SNX33: variants seen among roughly 807,000 people sequenced by gnomAD.
The protein encoded by SNX33 is sorting nexin-33.
SNX33 carries 19 observed loss-of-function variants against 38.8 expected under a neutral mutation model. The observed-to-expected ratio is 0.49, with a 90% CI of 0.34 to 0.72. SNX33 has a LOEUF of 0.72. Ranked by LOEUF, SNX33 falls within the 30% of genes least tolerant of loss-of-function variation. The probability of loss-of-function intolerance (pLI) is 0.01; values close to 1 mark genes in which losing one functional copy is unlikely to be tolerated. For missense variants in SNX33, 641 were observed against 776.4 expected (o/e 0.83, Z 2.07); for synonymous variants, 246 against 289.7 (o/e 0.85, Z 1.53).
chr15:75,657,252 G>A lies in SNX33; in HGVS notation c.*37G>A. 1 of 1,611,210 alleles carries A rather than the reference G, an allele frequency of 6.2e-7. No homozygotes were observed. ...TGGGCCCCCTCCTTCCCCTGGGCCTGGTCACTGCAGTGTACCCCACTTTCC... is the reference window on the plus strand; with the variant it reads ...TGGGCCCCCTCCTTCCCCTGGGCCTAGTCACTGCAGTGTACCCCACTTTCC... On this transcript the variant is annotated 3_prime_UTR_variant, in exon 2 of 2. Transcript: ENST00000308527. This position sits in a 1 kb window ranked among gnomAD's most constrained non-coding sequence, Gnocchi z 5.5.
chr15:75,657,066 G>A lies in SNX33; in HGVS notation c.1576G>A (p.Ala526Thr), dbSNP rs759856909. The change falls in exon 2 of 2, where the codon GCC becomes ACC. Residue 526 changes from alanine to threonine, a missense_variant. Physicochemically the swap from Ala to Thr is moderately conservative, Grantham distance 58 (BLOSUM62 0). Transcript: ENST00000308527. This position sits in a 1 kb window ranked among gnomAD's most constrained non-coding sequence, Gnocchi z 5.5. The stretch of plus-strand genomic sequence containing the variant: ...CAGGCGCTGCCGCGTGGTGGGTTTC[G>A]CCCTGCAGGCCGAGATGAACCACTT... ...IRRRCRVVGFALQAEMNHFHQ... is the reference protein window; with the variant it reads ...IRRRCRVVGFTLQAEMNHFHQ... 1.6e-5 allele frequency: 26 copies of A among 1,614,036 alleles called. No homozygotes were observed. Among genetic ancestry groups the A allele is most frequent in the Middle Eastern group, 1.6e-4 (1 of 6,084 alleles).
chr15:75,657,002 C>T lies in SNX33; in HGVS notation c.1512C>T (p.Asp504=), dbSNP rs778049554. 2.3e-5 allele frequency: 37 copies of T among 1,613,840 alleles called. No individual in the cohort carries two copies. Among genetic ancestry groups the T allele is most frequent in the Admixed American group, 3.3e-5 (2 of 59,980 alleles). ...AKVKESQRMS[D]EGRMVQDEAD... is the part of the protein sequence containing the mutation. ...TGAAGGAGAGCCAACGCATGAGTGA[C>T]GAGGGCCGCATGGTGCAGGACGAGG... Residue 504 remains aspartate, a synonymous_variant, in exon 2 of 2, where the codon GAC becomes GAT. Transcript: ENST00000308527. This position sits in a 1 kb window ranked among gnomAD's most constrained non-coding sequence, Gnocchi z 5.5.
Position 75,657,082 on chromosome 15 carries a change from T to G in SNX33, c.1592T>G (p.Met531Arg), listed in dbSNP as rs1893662339. 1 of 1,614,056 alleles carries G rather than the reference T, an allele frequency of 6.2e-7. No homozygotes were observed. Among genetic ancestry groups the G allele is most frequent in the African/African-American group, 1.3e-5 (1 of 74,934 alleles). ...GTGGGTTTCGCCCTGCAGGCCGAGATGAACCACTTCCACCAGCGCCGTGAG... is the reference window on the plus strand; with the variant it reads ...GTGGGTTTCGCCCTGCAGGCCGAGAGGAACCACTTCCACCAGCGCCGTGAG... Reference protein sequence around the residue: ...RVVGFALQAEMNHFHQRRELD... With the variant: ...RVVGFALQAERNHFHQRRELD... The change falls in exon 2 of 2, where the codon ATG becomes AGG. Residue 531 changes from methionine to arginine, a missense_variant. Met to Arg is a moderately conservative substitution (Grantham distance 91, BLOSUM62 -1). Transcript: ENST00000308527. The surrounding 1 kb of genome is among the most constrained non-coding windows in gnomAD (Gnocchi z 5.5).
chr15:75,653,816 C>T (rs764216247), intron 1 of SNX33, among the ~76,000 whole-genome samples: 1 of 152,136 alleles, frequency 6.6e-6, no homozygotes, highest in Non-Finnish European at 1.5e-5. Context: ...GAGCCATCAT[C>T]TAGCCTTCCC....
rs1322056760 is a variant in SNX33, at chr15:75,650,464, G to C, written c.1362G>C (p.Gly454=). 8 of 1,614,032 alleles carry C rather than the reference G, an allele frequency of 5.0e-6. No homozygotes were observed. The highest frequency in any genetic ancestry group is 6.8e-6 in the Non-Finnish European group (8 of 1,180,050). Residue 454 remains glycine, a synonymous_variant, in exon 1 of 2, where the codon GGG becomes GGC. Transcript: ENST00000308527. The surrounding 1 kb of genome is among the most constrained non-coding windows in gnomAD (Gnocchi z 6.1). The part of the protein sequence containing the change: ...SHTGRTYEAI[G]EMFAEQPKND... ...CGGGCCGTACCTATGAAGCCATCGG[G>C]GAGATGTTTGCTGAGCAGCCCAAGA...
In SNX33 at chr15:75,648,820, C is replaced by G. The variant is rs769726723; in HGVS notation, c.-283C>G. 3 of 333,022 alleles carry G rather than the reference C, an allele frequency of 9.0e-6. No homozygotes were observed. Among genetic ancestry groups the G allele is most frequent in the Non-Finnish European group, 1.6e-5 (3 of 187,428 alleles). The allele number at this position is 333,022 out of a possible 1,614,324, so 20.6% of individuals were successfully genotyped here. On this transcript the variant is annotated 5_prime_UTR_variant, in exon 1 of 2. Transcript: ENST00000308527. The surrounding 1 kb of genome is among the most constrained non-coding windows in gnomAD (Gnocchi z 4.4). The stretch of plus-strand genomic sequence containing the variant: ...GTTAGGAGAGATTCCCCTCTAACCC[C>G]CCAGAGGCTGCTAAGGGAGGAGGAG...
chr15:75,659,188 C>G lies in SNX33; in HGVS notation c.*1973C>G, dbSNP rs1893692904. 1 of 152,298 alleles carries G rather than the reference C, an allele frequency of 6.6e-6. No homozygotes were observed. The highest frequency in any genetic ancestry group is 2.4e-5 in the African/African-American group (1 of 41,432). 9.4% of individuals were successfully genotyped at this position (152,298 alleles called of 1,614,324 possible). Reference sequence around the variant, plus strand: ...CTGATCAGGATGAGCGGACCTTGCTCTTGGATCTGTTCATCCACAGATGAG... The same window carrying G: ...CTGATCAGGATGAGCGGACCTTGCTGTTGGATCTGTTCATCCACAGATGAG... On this transcript the variant is annotated 3_prime_UTR_variant, in exon 2 of 2. Transcript: ENST00000308527.
At chr15:75,653,589 G>T (rs1422560799) in intron 1 of SNX33, among the ~76,000 whole-genome samples, 2 of 152,232 alleles carry the variant, frequency 1.3e-5, no homozygotes, top group African/African-American at 4.8e-5. Flanking sequence ...CCTCCCAGAT[G>T]GGGGAGGGGA....
At position 75,659,216 on chromosome 15, in the gene SNX33, G is replaced by A. The variant is rs929369911; in HGVS notation, c.*2001G>A. 2 of 152,346 alleles carry A rather than the reference G, an allele frequency of 1.3e-5. No homozygotes were observed. The highest frequency in any genetic ancestry group is 2.9e-5 in the Non-Finnish European group (2 of 68,114). 9.4% of individuals were successfully genotyped at this position (152,346 alleles called of 1,614,324 possible). On this transcript the variant is annotated 3_prime_UTR_variant, in exon 2 of 2. Transcript: ENST00000308527. ...GGATCTGTTCATCCACAGATGAGAG[G>A]AGGGTACTGGTTGAGACTTGGCTCT...
intron 1 of SNX33, among the ~76,000 whole-genome samples, chr15:75,651,040 A>G (rs1324029785): frequency 1.3e-5 from 2 of 152,148 alleles, no homozygotes; most frequent in Admixed American, 1.3e-4. Flanking sequence ...TCGTTTACCC[A>G]TCATGCATGG....
At chr15:75,651,704 G>T (rs567254769) in intron 1 of SNX33, among the ~76,000 whole-genome samples, 12 of 152,404 alleles carry the variant, frequency 7.9e-5, no homozygotes, top group African/African-American at 1.4e-4. Context: ...GATGTCAGGA[G>T]AGAGGTGTGA....
chr15:75,657,471 G>C lies in SNX33; in HGVS notation c.*256G>C. On this transcript the variant is annotated 3_prime_UTR_variant, in exon 2 of 2. Coordinates refer to ENST00000308527, the MANE Select transcript of SNX33 (RefSeq NM_153271.2). The surrounding 1 kb of genome is among the most constrained non-coding windows in gnomAD (Gnocchi z 5.5). ...CCTCGAGGCCAAGGCCTGGGCTGCC[G>C]GTCAGTCAGTGAAGGTCAGGCCAGG... 6.7e-6 allele frequency: 4 copies of C among 594,540 alleles called. 1 individual carries two copies. In the East Asian group the frequency reaches 1.2e-4, roughly 18 times the overall value. The allele number at this position is 594,540 out of a possible 1,614,324, so 36.8% of individuals were successfully genotyped here.
At position 75,649,170 on chromosome 15, in the gene SNX33, A is replaced by G. The variant is rs1893535955; in HGVS notation, c.68A>G (p.Gln23Arg). ...SENKEEISIQ[Q>R]DEDLVIFSET... The stretch of plus-strand genomic sequence containing the variant: ...AACAAGGAGGAAATCAGCATCCAGC[A>G]GGATGAGGACCTGGTCATCTTTAGC... The change falls in exon 1 of 2, where the codon CAG becomes CGG. Residue 23 changes from glutamine to arginine, a missense_variant. Transcript: ENST00000308527. This position sits in a 1 kb window ranked among gnomAD's most constrained non-coding sequence, Gnocchi z 6.6. 2 of 1,613,826 alleles carry G rather than the reference A, an allele frequency of 1.2e-6. No individual in the cohort carries two copies. The highest frequency in any genetic ancestry group is 8.5e-7 in the Non-Finnish European group (1 of 1,179,790).
At chr15:75,652,740 C>G (rs1047544221) in intron 1 of SNX33, among the ~76,000 whole-genome samples, 8 of 152,236 alleles carry the variant, frequency 5.3e-5, no homozygotes, top group Non-Finnish European at 7.3e-5. Flanking sequence ...CTGGCTTACT[C>G]TAAGTTCTGG....
Position 75,650,670 on chromosome 15 carries a change from CTT to C in SNX33, c.1471+99_1471+100del, listed in dbSNP as rs1566966816. 7.1e-7 allele frequency: 1 copy of C among 1,406,990 alleles called. No homozygotes were observed. 87.2% of individuals were successfully genotyped at this position (1,406,990 alleles called of 1,614,324 possible). ...GCCTGGATAGAATGGAGCAACTTGT[CTT>C]TATTTCTCTGTCTCAATCATTCATT... is the stretch of plus-strand genomic sequence containing the variant. On this transcript the variant is annotated intron_variant, in intron 1 of 1. Coordinates refer to ENST00000308527, the MANE Select transcript of SNX33 (RefSeq NM_153271.2). This position sits in a 1 kb window ranked among gnomAD's most constrained non-coding sequence, Gnocchi z 6.1.
rs952205721 is a variant in SNX33 at position 75,658,363 on chromosome 15, C to A, written c.*1148C>A. On this transcript the variant is annotated 3_prime_UTR_variant, in exon 2 of 2. Transcript: ENST00000308527. The surrounding 1 kb of genome is among the most constrained non-coding windows in gnomAD (Gnocchi z 4.1). ...ACAGGGGCCTGCTTGCCCAGCCATG[C>A]GAGGGATTCCATGCCCACCTGCCCT... 6.6e-6 allele frequency: 1 copy of A among 152,626 alleles called. No individual in the cohort carries two copies. The highest frequency in any genetic ancestry group is 1.5e-5 in the Non-Finnish European group (1 of 68,050). The allele number at this position is 152,626 out of a possible 1,614,324, so 9.5% of individuals were successfully genotyped here.
Position 75,648,477 on chromosome 15 carries a change from A to G in SNX33, c.-626A>G. Reference sequence around the variant, plus strand: ...TGAAGCCGGACACATCCACCCTTGGACTCGATTCAGGCGGCTGCTGCTTTT... The same window carrying G: ...TGAAGCCGGACACATCCACCCTTGGGCTCGATTCAGGCGGCTGCTGCTTTT... On this transcript the variant is annotated 5_prime_UTR_variant, in exon 1 of 2. Coordinates refer to ENST00000308527, the MANE Select transcript of SNX33 (RefSeq NM_153271.2). This position sits in a 1 kb window ranked among gnomAD's most constrained non-coding sequence, Gnocchi z 4.4. 4.1e-6 allele frequency: 4 copies of G among 984,998 alleles called. No homozygotes were observed. Among genetic ancestry groups the G allele is most frequent in the Non-Finnish European group, 4.8e-6 (4 of 829,866 alleles). The allele number at this position is 984,998 out of a possible 1,614,324, so 61.0% of individuals were successfully genotyped here. A position where few individuals can be genotyped will look rare whatever the true frequency, so the allele number is the denominator to read the frequency against.
Position 75,650,668 on chromosome 15 carries a change from G to A in SNX33, c.1471+95G>A, listed in dbSNP as rs2141397071. 1.4e-6 allele frequency: 2 copies of A among 1,421,012 alleles called. No individual in the cohort carries two copies. Among genetic ancestry groups the A allele is most frequent in the East Asian group, 2.4e-5 (1 of 41,678 alleles). 88.0% of individuals were successfully genotyped at this position (1,421,012 alleles called of 1,614,324 possible). A position where few individuals can be genotyped will look rare whatever the true frequency, so the allele number is the denominator to read the frequency against. ...TGGCCTGGATAGAATGGAGCAACTT[G>A]TCTTTATTTCTCTGTCTCAATCATT... On this transcript the variant is annotated intron_variant, in intron 1 of 1. Coordinates refer to ENST00000308527, the MANE Select transcript of SNX33 (RefSeq NM_153271.2). This position sits in a 1 kb window ranked among gnomAD's most constrained non-coding sequence, Gnocchi z 6.1.
rs1383402302 is a variant in SNX33 at position 75,659,367 on chromosome 15, G to C, written c.*2152G>C. Reference sequence around the variant, plus strand: ...ATGGAGAAGGGCCAGCAGGTGCGGTGGGGGAAGGGGCGGGCAGGACTCCCT... The same window carrying C: ...ATGGAGAAGGGCCAGCAGGTGCGGTCGGGGAAGGGGCGGGCAGGACTCCCT... On this transcript the variant is annotated 3_prime_UTR_variant, in exon 2 of 2. Coordinates refer to ENST00000308527, the MANE Select transcript of SNX33 (RefSeq NM_153271.2). The C allele has an allele frequency of 6.6e-6, 1 of 152,546 alleles. No individual in the cohort carries two copies. The highest frequency in any genetic ancestry group is 1.5e-5 in the Non-Finnish European group (1 of 68,262). 9.4% of individuals were successfully genotyped at this position (152,546 alleles called of 1,614,324 possible).
Sources: gnomAD v4.1 joint callset for allele counts (sites outside exome capture counted in the v4.1 genomes callset) on GRCh38, gnomAD v4.1.1 for gene constraint, Gnocchi (gnomAD v3.1) non-coding constraint, MANE v1.5 for transcripts, NCBI Gene and HGNC (gene_info 2026-07-23, HGNC 2026-07-21) for gene names.